PACS1: variants seen among roughly 807,000 people sequenced by gnomAD.
The protein encoded by PACS1 is PACS-1.
PACS1 carries 24 observed loss-of-function variants against 115.0 expected under a neutral mutation model. That is an observed-to-expected ratio of 0.21 (90% CI 0.15 to 0.29). The LOEUF (loss-of-function observed/expected upper bound fraction) is 0.29. Ranked by LOEUF, PACS1 falls within the 10% of genes least tolerant of loss-of-function variation. The pLI is 1.00. For missense variants in PACS1, 838 were observed against 1,251.2 expected, an observed-to-expected ratio of 0.67 and a Z score of 4.98; for synonymous variants, 453 against 504.5, an observed-to-expected ratio of 0.90 and a Z score of 1.37.
intron 1 of PACS1, among the ~76,000 whole-genome samples, chr11:66,111,643 CT>C (rs930937664): frequency 6.6e-6 from 1 of 151,912 alleles, no homozygotes; most frequent in East Asian, 1.9e-4. Flanking sequence ...GATTATTATT[CT>C]TTTTTTTGTT....
Position 66,233,984 on chromosome 11 carries a change from A to C in PACS1, c.1993+45A>C. The C allele has an allele frequency of 6.4e-7, 1 of 1,571,436 alleles. No homozygotes were observed. The highest frequency in any genetic ancestry group is 8.7e-7 in the Non-Finnish European group (1 of 1,155,550). On this transcript the variant is annotated intron_variant, in intron 16 of 23. Transcript: ENST00000320580. This position sits in a 1 kb window ranked among gnomAD's most constrained non-coding sequence, Gnocchi z 4.5. Reference sequence around the variant, plus strand: ...GGAGGGCGTCGGGCATGAGGGTTCCATAGACAGATGCCTCATCTGGAACAG... The same window carrying C: ...GGAGGGCGTCGGGCATGAGGGTTCCCTAGACAGATGCCTCATCTGGAACAG...
rs193051251 is a variant in PACS1 at position 66,170,483 on chromosome 11, T to A, written c.357-23003T>A. Among the ~76,000 whole-genome samples, 69 of 150,648 alleles carry A rather than the reference T, an allele frequency of 4.6e-4. 6 individuals are homozygous for A. Among genetic ancestry groups the A allele is most frequent in the African/African-American group, 1.6e-3 (65 of 39,998 alleles). On this transcript the variant is annotated intron_variant, in intron 1 of 23. Transcript: ENST00000320580. ...TGTTTGGTTCTGAATATTGTCTGAT[T>A]TATATTATAACTTCTTCTTTGACCC...
At chr11:66,141,054 TA>T (rs1257781879) in intron 1 of PACS1, among the ~76,000 whole-genome samples, 1 of 152,220 alleles carries the variant, frequency 6.6e-6, no homozygotes, top group Admixed American at 6.5e-5. Context: ...TTCTTGCTGT[TA>T]AAATGCAAAG....
chr11:66,241,675 G>A, intron 22 of PACS1, 22 bp downstream of exon 22: 3 of 1,582,142 alleles, frequency 1.9e-6, no homozygotes, highest in Non-Finnish European at 2.6e-6. Flanking sequence ...CAAGGCCGGG[G>A]AAGACCATGG....
intron 19 of PACS1, among the ~76,000 whole-genome samples, chr11:66,237,518 G>A (rs1456313649): frequency 1.3e-5 from 2 of 152,216 alleles, no homozygotes; most frequent in African/African-American, 2.4e-5. Context: ...TACCTGAGCT[G>A]GGGAAATCCA....
intron 1 of PACS1, among the ~76,000 whole-genome samples, chr11:66,082,142 G>A (rs924159149): frequency 1.3e-5 from 2 of 152,168 alleles, no homozygotes; most frequent in Admixed American, 6.5e-5. Flanking sequence ...AATGATGAAT[G>A]GATTCTCATG....
chr11:66,193,470 TTC>T lies in PACS1; in HGVS notation c.357-12_357-11del, dbSNP rs1215818898. ...TTCCTCGCATATGACAGCATCTTCCTTCTCTGTTTTTCTAGGCTATTCAGCTT... is the reference window on the plus strand; with the variant it reads ...TTCCTCGCATATGACAGCATCTTCCTTCTGTTTTTCTAGGCTATTCAGCTT... On this transcript the variant is annotated splice_polypyrimidine_tract_variant and intron_variant, in intron 1 of 23. Transcript: ENST00000320580. 1 of 1,579,248 alleles carries T rather than the reference TTC, an allele frequency of 6.3e-7. No individual in the cohort carries two copies. Among genetic ancestry groups the T allele is most frequent in the Admixed American group, 1.7e-5 (1 of 59,940 alleles).
intron 3 of PACS1, 133 bp from the exon 4 acceptor site, chr11:66,211,001 T>C: frequency 1.9e-6 from 2 of 1,036,876 alleles, no homozygotes; most frequent in Non-Finnish European, 2.9e-6. Flanking sequence ...ACTTCATGGC[T>C]CTCCTTTCAA....
chr11:66,137,507 C>T (rs1858874409), intron 1 of PACS1, among the ~76,000 whole-genome samples: 2 of 152,102 alleles, frequency 1.3e-5, no homozygotes, highest in African/African-American at 2.4e-5. Flanking sequence ...CATCTTATAC[C>T]TTCATTACTG....
At chr11:66,175,653 GT>G (rs1268055774) in intron 1 of PACS1, among the ~76,000 whole-genome samples, 2 of 152,214 alleles carry the variant, frequency 1.3e-5, no homozygotes, top group Admixed American at 1.3e-4. Context: ...GACATGGAGT[GT>G]GCTTATCGCT....
intron 8 of PACS1, 143 bp from the exon 9 acceptor site, chr11:66,220,488 G>C (rs1431920529): frequency 1.3e-6 from 1 of 752,132 alleles, no homozygotes; most frequent in Admixed American, 2.7e-5. Context: ...TGGAAATGAC[G>C]TGAAGGTTAC....
At position 66,178,253 on chromosome 11, in the gene PACS1, C is replaced by T. The variant is rs1859919189; in HGVS notation, c.357-15233C>T. Among the ~76,000 whole-genome samples the T allele has an allele frequency of 3.3e-5, 5 of 151,798 alleles. No individual in the cohort carries two copies. The South Asian group carries it at 1.0e-3, about 32-fold the overall frequency. ...CTTCTTCTCAGAAGTAACTGCTATC[C>T]TAAATTCTGTTGTTATCATTCCCTT... On this transcript the variant is annotated intron_variant, in intron 1 of 23. Transcript: ENST00000320580.
At chr11:66,225,062 C>T (rs748791633) in intron 10 of PACS1, among the ~76,000 whole-genome samples, 14 of 152,292 alleles carry the variant, frequency 9.2e-5, no homozygotes, top group Non-Finnish European at 1.5e-4. Flanking sequence ...CCTGACAGTG[C>T]GTCAGGGCAG....
At chr11:66,103,929 C>G (rs1172358432) in intron 1 of PACS1, among the ~76,000 whole-genome samples, 1 of 151,864 alleles carries the variant, frequency 6.6e-6, no homozygotes, top group Non-Finnish European at 1.5e-5. Context: ...TGCCCCCATC[C>G]CCTCCCCCCA....
chr11:66,183,265 C>T (rs964708756), intron 1 of PACS1, among the ~76,000 whole-genome samples: 11 of 152,114 alleles, frequency 7.2e-5, no homozygotes, highest in Non-Finnish European at 1.6e-4. Flanking sequence ...GAATATAGTG[C>T]TCAGAAATTT....
At chr11:66,073,664 CT>C (rs1189677731) in intron 1 of PACS1, among the ~76,000 whole-genome samples, 1 of 152,136 alleles carries the variant, frequency 6.6e-6, no homozygotes, top group Non-Finnish European at 1.5e-5. Context: ...ATACATAGTA[CT>C]TTTGAAAAAC....
At chr11:66,197,200 C>T (rs1854669717) in intron 2 of PACS1, among the ~76,000 whole-genome samples, 1 of 152,030 alleles carries the variant, frequency 6.6e-6, no homozygotes, top group African/African-American at 2.4e-5. Flanking sequence ...CAGGGTTAGT[C>T]TAAAGAGTTC....
chr11:66,104,358 G>A (rs1334166956), intron 1 of PACS1, among the ~76,000 whole-genome samples: 2 of 152,162 alleles, frequency 1.3e-5, no homozygotes, highest in Non-Finnish European at 2.9e-5. Context: ...CTGGTTAATA[G>A]TAGTCATTTT....
rs561008598 is a variant in PACS1, at chr11:66,137,923, G to A, written c.357-55563G>A. ...CTTTTTTTATTTTTAGTAGAGACGG[G>A]GTTTCACCATGTTGGCCAGGCTGGT... On this transcript the variant is annotated intron_variant, in intron 1 of 23. Transcript: ENST00000320580. 3.9e-5 allele frequency among the ~76,000 whole-genome samples: 6 copies of A among 152,084 alleles called. No individual in the cohort carries two copies. The East Asian group carries it at 1.2e-3, about 29-fold the overall frequency.
Sources: allele counts gnomAD v4.1 joint callset (sites outside exome capture counted in the v4.1 genomes callset), GRCh38; gene constraint gnomAD v4.1.1; non-coding constraint Gnocchi (gnomAD v3.1); transcripts MANE v1.5; gene names NCBI Gene and HGNC (gene_info 2026-07-23, HGNC 2026-07-21).